C10orf67: variants seen among roughly 807,000 people sequenced by gnomAD.
C10orf67 encodes the protein uncharacterized protein C10orf67, mitochondrial.
In C10orf67, 60 loss-of-function variants were observed where a neutral mutation model predicts 35.6. The observed-to-expected ratio is 1.68, with a 90% confidence interval of 1.37 to 2.09. The LOEUF is 2.09. Among genes scored for constraint, C10orf67 ranks in the 30% most tolerant of loss-of-function variants. The pLI is 0.00. For missense variants in C10orf67, 474 were observed against 330.2 expected, an observed-to-expected ratio of 1.44 and a Z score of -3.38; for synonymous variants, 167 against 115.8, an observed-to-expected ratio of 1.44 and a Z score of -2.84.
intron 5 of C10orf67, among the ~76,000 whole-genome samples, chr10:23,293,804 G>T (rs777670378): frequency 6.6e-6 from 1 of 152,150 alleles, no homozygotes; most frequent in Non-Finnish European, 1.5e-5. Context: ...ATTGAATCTC[G>T]AAAGAATCAT....
At chr10:23,302,343 G>A (rs1200248422) in intron 5 of C10orf67, among the ~76,000 whole-genome samples, 1 of 151,946 alleles carries the variant, frequency 6.6e-6, no homozygotes, top group Non-Finnish European at 1.5e-5. Context: ...TCTGTAAGTG[G>A]ACTTTAGATT....
At chr10:23,264,692 T>C (rs1290619846) in intron 10 of C10orf67, among the ~76,000 whole-genome samples, 1 of 152,184 alleles carries the variant, frequency 6.6e-6, no homozygotes, top group Admixed American at 6.5e-5. Flanking sequence ...AGGATTTAGT[T>C]CCAGCCTTGG....
At chr10:23,219,705 C>CA (rs771298393) in intron 15 of C10orf67, among the ~76,000 whole-genome samples, 1 of 152,052 alleles carries the variant, frequency 6.6e-6, no homozygotes, top group Non-Finnish European at 1.5e-5. Context: ...TGCAACATAA[C>CA]AAAAAATCAT....
At chr10:23,288,165 C>T (rs1212947699) in intron 7 of C10orf67, among the ~76,000 whole-genome samples, 3 of 152,162 alleles carry the variant, frequency 2.0e-5, no homozygotes, top group African/African-American at 7.2e-5. Flanking sequence ...AAGAGACATG[C>T]ACACATATGT....
At chr10:23,290,387 T>C (rs1843685340) in intron 6 of C10orf67, among the ~76,000 whole-genome samples, 1 of 152,314 alleles carries the variant, frequency 6.6e-6, no homozygotes, top group South Asian at 2.1e-4. Flanking sequence ...AATATTAATA[T>C]AATATATCTC....
chr10:23,240,173 A>T (rs1842146581), intron 12 of C10orf67, among the ~76,000 whole-genome samples: 1 of 152,204 alleles, frequency 6.6e-6, no homozygotes. Flanking sequence ...CCTGGACGAC[A>T]GAGTGAGACC....
intron 13 of C10orf67, among the ~76,000 whole-genome samples, chr10:23,236,445 CAAAACAAACAA>C (rs1471455303): frequency 6.6e-6 from 1 of 151,216 alleles, no homozygotes; most frequent in Non-Finnish European, 1.5e-5. Flanking sequence ...CAAAACAAAA[CAAAACAAACAA>C]AAAACAAACA....
At chr10:23,290,818 G>A (rs1427772794) in intron 6 of C10orf67, among the ~76,000 whole-genome samples, 1 of 152,110 alleles carries the variant, frequency 6.6e-6, no homozygotes, top group Non-Finnish European at 1.5e-5. Context: ...AAACAAATCA[G>A]CAAAAGTTTC....
In C10orf67 at chr10:23,266,385, T is replaced by C. The variant is rs1032760457; in HGVS notation, c.1077A>G (p.Pro359=). 1.8e-5 allele frequency: 7 copies of C among 398,512 alleles called. No homozygotes were observed. In the Admixed American group the frequency reaches 1.8e-4, roughly 10 times the overall value. 24.7% of individuals were successfully genotyped at this position (398,512 alleles called of 1,614,324 possible). A position where few individuals can be genotyped will look rare whatever the true frequency, so the allele number is the denominator to read the frequency against. The part of the protein sequence containing the change: ...SAKGREASLS[P]WPKSPPSTTA... ...TGGTGCTGGGTGGAGACTTGGGCCATGGGGACAAAGAGGCTTCTCTCCCCT... is the reference window on the plus strand; with the variant it reads ...TGGTGCTGGGTGGAGACTTGGGCCACGGGGACAAAGAGGCTTCTCTCCCCT... Residue 359 remains proline, a synonymous_variant, in exon 10 of 16, where the codon CCA becomes CCG. Coordinates refer to ENST00000636213, the MANE Select transcript of C10orf67 (RefSeq NM_001371909.1).
At chr10:23,227,095 C>T (rs992862063) in intron 13 of C10orf67, among the ~76,000 whole-genome samples, 3 of 152,180 alleles carry the variant, frequency 2.0e-5, no homozygotes, top group African/African-American at 7.2e-5. Context: ...TTTTATGAGG[C>T]CAGCATCATC....
chr10:23,276,960 C>T (rs952978236), intron 8 of C10orf67, among the ~76,000 whole-genome samples: 5 of 152,040 alleles, frequency 3.3e-5, no homozygotes, highest in African/African-American at 1.2e-4. Flanking sequence ...GAATCACAAA[C>T]GGATAAGACA....
chr10:23,325,056 G>T (rs1015830960), intron 2 of C10orf67, among the ~76,000 whole-genome samples: 1 of 152,144 alleles, frequency 6.6e-6, no homozygotes. Context: ...CTTTGAACAA[G>T]CCAGGCATGA....
At chr10:23,289,130 G>C (rs1843636670) in intron 7 of C10orf67, among the ~76,000 whole-genome samples, 1 of 152,156 alleles carries the variant, frequency 6.6e-6, no homozygotes, top group Admixed American at 6.5e-5. Context: ...AATTCAATGA[G>C]CTAAGAAATC....
chr10:23,328,754 C>T (rs540445436), intron 2 of C10orf67, among the ~76,000 whole-genome samples: 109 of 149,102 alleles, frequency 7.3e-4, no homozygotes, highest in African/African-American at 2.7e-3. Context: ...GAGGCTGAGG[C>T]AGGAGGATCG....
intron 5 of C10orf67, among the ~76,000 whole-genome samples, chr10:23,298,274 A>C (rs1254910202): frequency 6.6e-6 from 1 of 151,952 alleles, no homozygotes; most frequent in Admixed American, 6.6e-5. Flanking sequence ...AACAAACAAA[A>C]AAATAAAAAC....
chr10:23,293,379 C>A (rs1843781160), intron 5 of C10orf67, among the ~76,000 whole-genome samples: 1 of 152,084 alleles, frequency 6.6e-6, no homozygotes, highest in Non-Finnish European at 1.5e-5. Context: ...ACGCCCACAG[C>A]AATGAGGACA....
chr10:23,259,387 T>C (rs886921779), intron 10 of C10orf67, among the ~76,000 whole-genome samples: 13 of 152,222 alleles, frequency 8.5e-5, no homozygotes, highest in African/African-American at 2.9e-4. Flanking sequence ...CTGCTAAAGA[T>C]TGCAAGACTC....
intron 15 of C10orf67, among the ~76,000 whole-genome samples, chr10:23,209,479 T>C (rs1218585406): frequency 6.6e-6 from 1 of 152,104 alleles, no homozygotes; most frequent in Non-Finnish European, 1.5e-5. Flanking sequence ...AGAGTAACTA[T>C]TTAGCAATAC....
intron 12 of C10orf67, among the ~76,000 whole-genome samples, chr10:23,240,755 A>T (rs1299701859): frequency 6.6e-6 from 1 of 152,240 alleles, no homozygotes; most frequent in Non-Finnish European, 1.5e-5. Context: ...CCCTTCAGCC[A>T]TCTCAGCAGA....
Sources: allele counts gnomAD v4.1 joint callset (sites outside exome capture counted in the v4.1 genomes callset), GRCh38; gene constraint gnomAD v4.1.1; transcripts MANE v1.5; gene names NCBI Gene and HGNC (gene_info 2026-07-23, HGNC 2026-07-21).